SERPINA3: variants seen among roughly 807,000 people sequenced by gnomAD.
The protein encoded by SERPINA3 is serpin family A member 3, also known as alpha-1-antichymotrypsin.
SERPINA3 carries 32 observed loss-of-function variants against 26.8 expected under a neutral mutation model. The observed-to-expected ratio is 1.20, with a 90% confidence interval of 0.90 to 1.61. SERPINA3 has a LOEUF of 1.61. Among genes scored for constraint, SERPINA3 ranks in the 40% most tolerant of loss-of-function variants. The pLI, the probability that SERPINA3 is intolerant of heterozygous loss-of-function variation, is 0.00. For synonymous variants in SERPINA3, 252 were observed against 206.4 expected, an observed-to-expected ratio of 1.22 and a Z score of -1.89; for missense variants, 632 against 517.9, an observed-to-expected ratio of 1.22 and a Z score of -2.14.
rs1305606047 is a variant in SERPINA3 at position 94,615,013 on chromosome 14, A to T, written c.572A>T (p.Lys191Ile). The change falls in exon 2 of 5, where the codon AAA becomes ATA. Residue 191 changes from lysine to isoleucine, a missense_variant. Transcript: ENST00000393078. ...NDYVKNGTRG[K>I]ITDLIKDLDS... is the part of the protein sequence containing the mutation. Reference sequence around the variant, plus strand: ...TACGTGAAGAATGGAACTAGGGGGAAAATCACAGATCTGATCAAGGACCTT... The same window carrying T: ...TACGTGAAGAATGGAACTAGGGGGATAATCACAGATCTGATCAAGGACCTT... The T allele has an allele frequency of 1.2e-6, 2 of 1,614,204 alleles. No individual in the cohort carries two copies. Among genetic ancestry groups the T allele is most frequent in the Non-Finnish European group, 8.5e-7 (1 of 1,180,030 alleles).
chr14:94,623,254 T>C (rs930704470), intron 4 of SERPINA3, among the ~76,000 whole-genome samples: 6 of 152,204 alleles, frequency 3.9e-5, no homozygotes, highest in African/African-American at 1.4e-4. Flanking sequence ...GGATGTTGCT[T>C]AGAAGAAAAA....
chr14:94,615,575 G>C (rs1431689570), intron 2 of SERPINA3: 1 of 377,220 alleles, frequency 2.7e-6, no homozygotes, highest in East Asian at 7.6e-5. Flanking sequence ...ATCTTCACAG[G>C]GCAAGATAAT....
intron 2 of SERPINA3, chr14:94,617,555 C>A (rs543749998): frequency 2.6e-5 from 4 of 152,228 alleles, no homozygotes; most frequent in African/African-American, 9.6e-5. Context: ...GTTTAATTCT[C>A]GCAGCGGCTC....
At chr14:94,614,093 G>T (rs924684955) in intron 1 of SERPINA3, 2 of 314,940 alleles carry the variant, frequency 6.4e-6, no homozygotes, top group Non-Finnish European at 1.2e-5. Flanking sequence ...ACTGAACCTC[G>T]GACCCCCCAT....
At chr14:94,617,612 C>T (rs757701345) in intron 2 of SERPINA3, 5 of 152,142 alleles carry the variant, frequency 3.3e-5, no homozygotes, top group Admixed American at 6.5e-5. Context: ...GGAGACATGC[C>T]GTCCAGAAAA....
chr14:94,614,723 C>T lies in SERPINA3; in HGVS notation c.282C>T (p.Thr94=), dbSNP rs761332381. The change falls in exon 2 of 5, where the codon ACC becomes ACT. Residue 94 remains threonine, a synonymous_variant. Transcript: ENST00000393078. ...TCCTGTCTCTGGGGGCCCATAATAC[C>T]ACCCTGACAGAGATTCTCAAAGGCC... ...LAFLSLGAHN[T]TLTEILKGLK... is the part of the protein sequence containing the mutation. 1.9e-6 allele frequency: 3 copies of T among 1,614,012 alleles called. No individual in the cohort carries two copies. The highest frequency in any genetic ancestry group is 2.5e-6 in the Non-Finnish European group (3 of 1,180,024).
At chr14:94,614,011 G>T (rs944132743) in intron 1 of SERPINA3, 1 of 183,228 alleles carries the variant, frequency 5.5e-6, no homozygotes, top group East Asian at 1.3e-4. Flanking sequence ...TGAAGGAAGG[G>T]AGCCCCTGCT....
rs1473582785 is a variant in SERPINA3 at position 94,614,476 on chromosome 14, T to G, written c.35T>G (p.Leu12Arg). Residue 12 changes from leucine to arginine, a missense_variant, in exon 2 of 5, where the codon CTC (leucine) becomes CGC (arginine). Leu to Arg is a moderately radical substitution (Grantham distance 102). Transcript: ENST00000393078. Reference sequence around the variant, plus strand: ...ATGTTACCTCTCCTGGCTCTGGGGCTCTTGGCGGCTGGGTTCTGCCCTGCT... The same window carrying G: ...ATGTTACCTCTCCTGGCTCTGGGGCGCTTGGCGGCTGGGTTCTGCCCTGCT... ...ERMLPLLALGLLAAGFCPAVL... is the reference protein window; with the variant it reads ...ERMLPLLALGRLAAGFCPAVL... 6.2e-7 allele frequency: 1 copy of G among 1,614,016 alleles called. No homozygotes were observed.
intron 1 of SERPINA3, 66 bp downstream of exon 1, chr14:94,612,513 C>A: frequency 2.0e-6 from 2 of 1,023,956 alleles, no homozygotes; most frequent in Non-Finnish European, 2.8e-6. Flanking sequence ...TTTTAGGCAG[C>A]AGCCTGGAGT....
chr14:94,614,912 C>A lies in SERPINA3; in HGVS notation c.471C>A (p.Ala157=). 6.2e-7 allele frequency: 1 copy of A among 1,614,134 alleles called. No individual in the cohort carries two copies. The highest frequency in any genetic ancestry group is 2.2e-5 in the East Asian group (1 of 44,878). ...TGCTGGACAGGTTCACGGAGGATGC[C>A]AAGAGGCTGTATGGCTCCGAGGCCT... ...LSLLDRFTED[A]KRLYGSEAFA... is the part of the protein sequence containing the mutation. Residue 157 remains alanine, a synonymous_variant, in exon 2 of 5, where the codon GCC becomes GCA. Coordinates refer to ENST00000393078, the MANE Select transcript of SERPINA3 (RefSeq NM_001085.5).
chr14:94,615,245 T>C (rs1434412243), intron 2 of SERPINA3, among the ~76,000 whole-genome samples, 161 bp downstream of exon 2: 1 of 152,180 alleles, frequency 6.6e-6, no homozygotes, highest in African/African-American at 2.4e-5. Context: ...GGCATCGCCG[T>C]CTCCTGTGGG....
At chr14:94,617,128 C>T (rs1886033245) in intron 2 of SERPINA3, among the ~76,000 whole-genome samples, 1 of 152,192 alleles carries the variant, frequency 6.6e-6, no homozygotes, top group Admixed American at 6.5e-5. Context: ...TGGGAAGGTG[C>T]TCCATGGCAC....
At chr14:94,622,273 T>C in intron 3 of SERPINA3, 68 bp from the exon 4 acceptor site, 1 of 1,474,270 alleles carries the variant, frequency 6.8e-7, no homozygotes, top group Non-Finnish European at 9.5e-7. Flanking sequence ...AAGACCATGC[T>C]GCGAGGTGGG....
intron 2 of SERPINA3, among the ~76,000 whole-genome samples, chr14:94,616,133 C>G (rs1751491064): frequency 6.6e-6 from 1 of 152,210 alleles, no homozygotes; most frequent in Non-Finnish European, 1.5e-5. Context: ...GTTCTCGCCT[C>G]CTACTACCTA....
At chr14:94,617,005 C>G (rs1358371080) in intron 2 of SERPINA3, among the ~76,000 whole-genome samples, 1 of 152,152 alleles carries the variant, frequency 6.6e-6, no homozygotes, top group Non-Finnish European at 1.5e-5. Context: ...CCCATTCTGG[C>G]ATACAAGGCA....
intron 2 of SERPINA3, chr14:94,618,816 G>T: frequency 2.7e-6 from 1 of 364,170 alleles, no homozygotes; most frequent in Non-Finnish European, 5.3e-6. Flanking sequence ...AGTAATAATT[G>T]CTAATGAGAC....
rs1272830762 is a variant in SERPINA3 at position 94,614,521 on chromosome 14, G to T, written c.80G>T (p.Ser27Ile). Reference sequence around the variant, plus strand: ...CCTGCTGTCCTCTGCCACCCTAACAGCCCACTTGACGAGGAGAATCTGACC... The same window carrying T: ...CCTGCTGTCCTCTGCCACCCTAACATCCCACTTGACGAGGAGAATCTGACC... ...FCPAVLCHPN[S>I]PLDEENLTQE... The change falls in exon 2 of 5, where the codon AGC becomes ATC. Residue 27 changes from serine (S) to isoleucine (I), a missense_variant. By Grantham distance (142) the Ser-to-Ile change is moderately radical. Coordinates refer to ENST00000393078, the MANE Select transcript of SERPINA3 (RefSeq NM_001085.5). 4 of 1,613,762 alleles carry T rather than the reference G, an allele frequency of 2.5e-6. No individual in the cohort carries two copies. The African/African-American group carries it at 4.0e-5, about 16-fold the overall frequency.
chr14:94,619,340 G>A lies in SERPINA3; in HGVS notation c.789G>A (p.Val263=), dbSNP rs781669017. Residue 263 remains valine, a synonymous_variant, in exon 3 of 5, where the codon GTG becomes GTA. Coordinates refer to ENST00000393078, the MANE Select transcript of SERPINA3 (RefSeq NM_001085.5). ...YFRDEELSCT[V]VELKYTGNAS... Reference sequence around the variant, plus strand: ...GGGACGAGGAGCTGTCCTGCACCGTGGTGGAGCTGAAGTACACAGGCAATG... The same window carrying A: ...GGGACGAGGAGCTGTCCTGCACCGTAGTGGAGCTGAAGTACACAGGCAATG... 8 of 1,614,100 alleles carry A rather than the reference G, an allele frequency of 5.0e-6. No individual in the cohort carries two copies. The highest frequency in any genetic ancestry group is 1.1e-5 in the South Asian group (1 of 91,090).
chr14:94,614,687 C>T lies in SERPINA3; in HGVS notation c.246C>T (p.Thr82=), dbSNP rs756445395. 3.0e-5 allele frequency: 48 copies of T among 1,614,000 alleles called. No individual in the cohort carries two copies. Among genetic ancestry groups the T allele is most frequent in the Middle Eastern group, 1.6e-4 (1 of 6,084 alleles). The change falls in exon 2 of 5, where the codon ACC becomes ACT. Residue 82 remains threonine (T), a synonymous_variant. Transcript: ENST00000393078. ...NVIFSPLSIS[T]ALAFLSLGAH... is the part of the protein sequence containing the mutation. ...TCTTCTCCCCACTGAGCATCTCCAC[C>T]GCCTTGGCCTTCCTGTCTCTGGGGG...
Sources: allele counts gnomAD v4.1 joint callset (sites outside exome capture counted in the v4.1 genomes callset), GRCh38; gene constraint gnomAD v4.1.1; transcripts MANE v1.5; gene names NCBI Gene and HGNC (gene_info 2026-07-23, HGNC 2026-07-21).